Variants in ATP10B observed in about 807,000 individuals in gnomAD.
The protein encoded by ATP10B is ATPase phospholipid transporting 10B (putative).
Under a neutral mutation model 141.2 loss-of-function variants are expected in ATP10B, and 122 were observed. That is an observed-to-expected ratio of 0.86 (90% CI 0.75 to 1.00). The LOEUF (loss-of-function observed/expected upper bound fraction) is 1.00, where lower values mean the gene tolerates loss of function less well. Among genes scored for constraint, ATP10B ranks in the 50% least tolerant of loss-of-function variants. The pLI is 0.00. For synonymous variants in ATP10B, 685 were observed against 692.0 expected (o/e 0.99, Z 0.16); for missense variants, 1,876 against 1,825.3 (o/e 1.03, Z -0.51).
At chr5:160,823,003 T>TATATATATATAC (rs1774267203) in intron 1 of ATP10B, among the ~76,000 whole-genome samples, 1 of 95,762 alleles carries the variant, frequency 1.0e-5, no homozygotes, top group African/African-American at 4.5e-5. Context: ...TATATATACA[T>TATATATATATAC]ATATATATAT....
intron 13 of ATP10B, among the ~76,000 whole-genome samples, chr5:160,623,932 T>C (rs1291411277): frequency 6.6e-6 from 1 of 152,228 alleles, no homozygotes; most frequent in Non-Finnish European, 1.5e-5. Context: ...GGTTGAGTTT[T>C]CCATGAGGCT....
At chr5:160,912,999 G>C in the ATP10B span, among the ~76,000 whole-genome samples, 1 of 152,234 alleles carries the variant, frequency 6.6e-6, no homozygotes, top group Non-Finnish European at 1.5e-5. Context: ...CTCAATTACA[G>C]AGTAGTGTCC....
intron 22 of ATP10B, among the ~76,000 whole-genome samples, chr5:160,597,066 A>G (rs1756749463): frequency 6.6e-6 from 1 of 152,224 alleles, no homozygotes; most frequent in African/African-American, 2.4e-5. Flanking sequence ...TATGGAGCCA[A>G]AAAAGAGCCC....
the ATP10B span, among the ~76,000 whole-genome samples, chr5:160,899,230 G>A: frequency 6.6e-6 from 1 of 152,176 alleles, no homozygotes; most frequent in Middle Eastern, 3.4e-3. Flanking sequence ...AAAGTGGGGG[G>A]GAGGGGTCAC....
chr5:160,627,024 G>A (rs552735822), intron 13 of ATP10B, among the ~76,000 whole-genome samples: 1 of 152,142 alleles, frequency 6.6e-6, no homozygotes, highest in Non-Finnish European at 1.5e-5. Context: ...CTCCTCCTCA[G>A]ATTGCACCTT....
At chr5:160,927,124 C>T in the ATP10B span, among the ~76,000 whole-genome samples, 1 of 152,160 alleles carries the variant, frequency 6.6e-6, no homozygotes. Context: ...GAGAAGAGTA[C>T]AGCTCATAGA....
chr5:160,669,127 T>A (rs1461157533), intron 7 of ATP10B, among the ~76,000 whole-genome samples: 1 of 152,226 alleles, frequency 6.6e-6, no homozygotes, highest in African/African-American at 2.4e-5. Flanking sequence ...TTTTCCCTGG[T>A]TAAAGAAAGG....
intron 24 of ATP10B, among the ~76,000 whole-genome samples, chr5:160,581,128 G>C (rs1019663972): frequency 1.3e-5 from 2 of 152,024 alleles, no homozygotes; most frequent in Non-Finnish European, 2.9e-5. Context: ...TTTTTGAAGG[G>C]TTTTTTGTGT....
intron 2 of ATP10B, among the ~76,000 whole-genome samples, chr5:160,727,816 A>G (rs1766462726): frequency 6.6e-6 from 1 of 152,204 alleles, no homozygotes; most frequent in Non-Finnish European, 1.5e-5. Flanking sequence ...AGCATTATGC[A>G]TTAGCCAGAC....
the ATP10B span, among the ~76,000 whole-genome samples, chr5:160,874,832 G>A: frequency 6.8e-6 from 1 of 147,322 alleles, no homozygotes; most frequent in East Asian, 2.0e-4. Context: ...GAAGTTTAGA[G>A]AAAAAAGAAT....
At chr5:160,820,386 T>G (rs773154911) in intron 1 of ATP10B, among the ~76,000 whole-genome samples, 1 of 151,870 alleles carries the variant, frequency 6.6e-6, no homozygotes, top group Non-Finnish European at 1.5e-5. Context: ...ATTGAAGCAT[T>G]AATGCAAAGT....
chr5:160,755,783 C>T (rs1479261784), intron 2 of ATP10B, among the ~76,000 whole-genome samples: 91 of 134,732 alleles, frequency 6.8e-4, no homozygotes, highest in Non-Finnish European at 1.3e-3. Context: ...CCACTGCACT[C>T]CAGCCTGGGC....
intron 1 of ATP10B, among the ~76,000 whole-genome samples, chr5:160,829,831 A>G (rs1331500971): frequency 5.3e-5 from 8 of 152,134 alleles, no homozygotes. Flanking sequence ...AAACTCATTT[A>G]TCAGTTCTAG....
intron 13 of ATP10B, among the ~76,000 whole-genome samples, chr5:160,627,374 T>C (rs1420391629): frequency 6.6e-6 from 1 of 152,242 alleles, no homozygotes; most frequent in Non-Finnish European, 1.5e-5. Flanking sequence ...TATTAGACTT[T>C]ATGTCCCTAG....
At chr5:160,661,856 T>C (rs1182778971) in intron 7 of ATP10B, among the ~76,000 whole-genome samples, 9 of 152,152 alleles carry the variant, frequency 5.9e-5, no homozygotes, top group Non-Finnish European at 1.0e-4. Context: ...GGAAGTCAAA[T>C]TGTCCCTGTT....
intron 25 of ATP10B, among the ~76,000 whole-genome samples, chr5:160,566,868 T>A (rs1377128448): frequency 3.9e-5 from 6 of 152,222 alleles, no homozygotes; most frequent in Admixed American, 6.5e-5. Context: ...ATATTTTTTA[T>A]GTTTGAAGTC....
intron 2 of ATP10B, among the ~76,000 whole-genome samples, chr5:160,785,356 G>C (rs772219289): frequency 3.3e-5 from 5 of 152,076 alleles, no homozygotes; most frequent in African/African-American, 7.2e-5. Flanking sequence ...CATTTACTTG[G>C]CATCTGACAT....
the ATP10B span, among the ~76,000 whole-genome samples, chr5:160,900,215 C>G: frequency 9.9e-4 from 151 of 152,252 alleles, no homozygotes; most frequent in African/African-American, 3.5e-3. Flanking sequence ...CATCCCTACC[C>G]CTTTGATCTT....
intron 13 of ATP10B, among the ~76,000 whole-genome samples, chr5:160,630,764 C>A (rs1183615427): frequency 6.6e-6 from 1 of 152,152 alleles, no homozygotes; most frequent in Non-Finnish European, 1.5e-5. Flanking sequence ...TTATGAAGGT[C>A]ATATGTCTTA....
Sources: allele counts gnomAD v4.1 joint callset (sites outside exome capture counted in the v4.1 genomes callset), GRCh38; gene constraint gnomAD v4.1.1; transcripts MANE v1.5; gene names NCBI Gene and HGNC (gene_info 2026-07-23, HGNC 2026-07-21).